Variants in CHCHD6 observed in about 807,000 individuals in gnomAD.
CHCHD6 encodes coiled-coil-helix-coiled-coil-helix domain containing 6, also known as MICOS complex subunit MIC25.
Under a neutral mutation model 32.3 loss-of-function variants are expected in CHCHD6, and 28 were observed. That is an observed-to-expected ratio of 0.87 (90% confidence interval 0.64 to 1.19). CHCHD6 has a LOEUF of 1.19. CHCHD6 is among the 50% of genes most tolerant of loss of function. The pLI is 0.00. For missense variants in CHCHD6, 333 were observed against 307.0 expected, an observed-to-expected ratio of 1.08 and a Z score of -0.63; for synonymous variants, 122 against 117.5, an observed-to-expected ratio of 1.04 and a Z score of -0.25.
chr3:126,858,907 C>T (rs763948950), intron 5 of CHCHD6, among the ~76,000 whole-genome samples: 3 of 152,188 alleles, frequency 2.0e-5, no homozygotes, highest in Non-Finnish European at 2.9e-5. Flanking sequence ...ACTGGAGTGC[C>T]CCATAGGCAC....
At chr3:126,946,885 G>T (rs951458199) in intron 6 of CHCHD6, among the ~76,000 whole-genome samples, 1 of 152,238 alleles carries the variant, frequency 6.6e-6, no homozygotes, top group Non-Finnish European at 1.5e-5. Context: ...AGTATCAGGA[G>T]GACATATAAT....
At chr3:126,872,472 C>G (rs553990097) in intron 5 of CHCHD6, among the ~76,000 whole-genome samples, 79 of 152,148 alleles carry the variant, frequency 5.2e-4, no homozygotes, top group Non-Finnish European at 9.8e-4. Context: ...CCGCAGAGTC[C>G]TAGTCTAGGC....
intron 5 of CHCHD6, among the ~76,000 whole-genome samples, chr3:126,872,166 A>G (rs1163454545): frequency 6.6e-6 from 1 of 152,114 alleles, no homozygotes; most frequent in East Asian, 1.9e-4. Context: ...GCATCTATCT[A>G]CTAGGTAAGG....
At chr3:126,748,478 T>C (rs1413262049) in intron 4 of CHCHD6, among the ~76,000 whole-genome samples, 1 of 151,726 alleles carries the variant, frequency 6.6e-6, no homozygotes, top group East Asian at 2.0e-4. Flanking sequence ...GCTGGTAATC[T>C]CAGCCACTTG....
intron 4 of CHCHD6, among the ~76,000 whole-genome samples, chr3:126,830,497 G>A (rs1940593956): frequency 6.6e-6 from 1 of 152,198 alleles, no homozygotes; most frequent in African/African-American, 2.4e-5. Context: ...TGCCCTGTGG[G>A]CAGCACGATC....
chr3:126,766,414 C>A (rs575463196), intron 4 of CHCHD6: 3 of 585,716 alleles, frequency 5.1e-6, no homozygotes, highest in Middle Eastern at 5.3e-4. Flanking sequence ...GGTGTAGAGT[C>A]GGAGAAGTCT....
At chr3:126,726,393 T>G (rs1265599309) in intron 1 of CHCHD6, among the ~76,000 whole-genome samples, 1 of 152,180 alleles carries the variant, frequency 6.6e-6, no homozygotes, top group East Asian at 1.9e-4. Flanking sequence ...ACATGAAATG[T>G]CACTGATCAC....
intron 6 of CHCHD6, among the ~76,000 whole-genome samples, chr3:126,925,041 C>T (rs1386066957): frequency 6.6e-6 from 1 of 152,218 alleles, no homozygotes; most frequent in Non-Finnish European, 1.5e-5. Flanking sequence ...GTCAGTATAG[C>T]TTTTGTGCTG....
Position 126,766,142 on chromosome 3 carries a change from TA to T in CHCHD6, c.411+32929del, listed in dbSNP as rs200861763. On this transcript the variant is annotated intron_variant, in intron 4 of 7. Transcript: ENST00000290913. ...TCAGGAGAGGAAGAAAGAAAAAACT[TA>T]AAAAAAAACCTAGATTGCTGAAAGT... Among the ~76,000 whole-genome samples, 241 of 150,888 alleles carry T rather than the reference TA, an allele frequency of 1.6e-3. 1 individual carries two copies. Among genetic ancestry groups the T allele is most frequent in the African/African-American group, 5.6e-3 (230 of 41,158 alleles).
chr3:126,911,679 G>A (rs753053240), intron 5 of CHCHD6, among the ~76,000 whole-genome samples: 6 of 152,192 alleles, frequency 3.9e-5, no homozygotes, highest in Non-Finnish European at 7.3e-5. Flanking sequence ...AAATCGAGTT[G>A]ACCACATGTT....
At chr3:126,850,937 G>A (rs1218470048) in intron 4 of CHCHD6, among the ~76,000 whole-genome samples, 1 of 152,200 alleles carries the variant, frequency 6.6e-6, no homozygotes, top group African/African-American at 2.4e-5. Context: ...TTTCTGAAGT[G>A]TTGGCATTCC....
intron 1 of CHCHD6, among the ~76,000 whole-genome samples, chr3:126,716,922 A>G (rs773373428): frequency 6.6e-6 from 1 of 152,184 alleles, no homozygotes; most frequent in Non-Finnish European, 1.5e-5. Context: ...TTTCTACAGC[A>G]ATCTTGGCCC....
intron 5 of CHCHD6, among the ~76,000 whole-genome samples, chr3:126,872,692 C>T (rs2077491675): frequency 1.3e-5 from 2 of 152,316 alleles, no homozygotes; most frequent in African/African-American, 2.4e-5. Flanking sequence ...CTTCCTCTCT[C>T]CTGGACTGGT....
intron 1 of CHCHD6, among the ~76,000 whole-genome samples, chr3:126,709,929 G>T (rs989643536): frequency 6.6e-6 from 1 of 152,154 alleles, no homozygotes; most frequent in Non-Finnish European, 1.5e-5. Flanking sequence ...AAAGGGACTT[G>T]AGCATCCTCA....
At chr3:126,757,999 T>C (rs1443594391) in intron 4 of CHCHD6, among the ~76,000 whole-genome samples, 1 of 152,184 alleles carries the variant, frequency 6.6e-6, no homozygotes, top group Non-Finnish European at 1.5e-5. Context: ...TCTCAGGTCT[T>C]TTAGTGGAAG....
chr3:126,854,230 A>C (rs1373122557), intron 5 of CHCHD6, among the ~76,000 whole-genome samples: 4 of 152,196 alleles, frequency 2.6e-5, no homozygotes, highest in Non-Finnish European at 4.4e-5. Flanking sequence ...TTGCATATGC[A>C]GGTGTGGGCT....
intron 6 of CHCHD6, 104 bp from the exon 7 acceptor site, chr3:126,957,312 A>G: frequency 7.6e-7 from 1 of 1,319,970 alleles, no homozygotes; most frequent in Non-Finnish European, 1.0e-6. Context: ...GGTGTCAGGG[A>G]CTTAGCCTAG....
chr3:126,711,285 A>T (rs1934737555), intron 1 of CHCHD6, among the ~76,000 whole-genome samples: 1 of 152,194 alleles, frequency 6.6e-6, no homozygotes, highest in Non-Finnish European at 1.5e-5. Flanking sequence ...GCTGTGCATG[A>T]GAATCTTATT....
chr3:126,893,696 C>A (rs146915217), intron 5 of CHCHD6, among the ~76,000 whole-genome samples: 1 of 152,328 alleles, frequency 6.6e-6, no homozygotes, highest in South Asian at 2.1e-4. Flanking sequence ...ACTGAACCCC[C>A]GCTAAGGGGA....
Sources: gnomAD v4.1 joint callset for allele counts (sites outside exome capture counted in the v4.1 genomes callset) on GRCh38, gnomAD v4.1.1 for gene constraint, MANE v1.5 for transcripts, NCBI Gene and HGNC (gene_info 2026-07-23, HGNC 2026-07-21) for gene names.